The following ASH2L variants were observed in gnomAD, a reference collection of about 807,000 sequenced individuals.
ASH2L encodes the protein ASH2 like, histone lysine methyltransferase complex subunit, also known as set1/Ash2 histone methyltransferase complex subunit ASH2.
Under a neutral mutation model 81.1 loss-of-function variants are expected in ASH2L, and 30 were observed. The ratio of observed to expected loss-of-function variants is 0.37; its 90% CI spans 0.28 to 0.50. The LOEUF (loss-of-function observed/expected upper bound fraction) is 0.50, where lower values mean the gene tolerates loss of function less well. Among genes scored for constraint, ASH2L ranks in the 20% least tolerant of loss-of-function variants. The pLI is 0.95. For synonymous variants in ASH2L, 273 were observed against 279.9 expected (o/e 0.98, Z 0.24); for missense variants, 559 against 792.1 (o/e 0.71, Z 3.53).
chr8:38,114,115 G>T, intron 5 of ASH2L, 77 bp from the exon 6 acceptor site: 1 of 885,384 alleles, frequency 1.1e-6, no homozygotes, highest in Non-Finnish European at 1.7e-6. Context: ...CAAGATCTTC[G>T]AAAAATGCTG....
chr8:38,136,783 AAAAG>A (rs1284369597), intron 14 of ASH2L, among the ~76,000 whole-genome samples: 31 of 151,326 alleles, frequency 2.0e-4, no homozygotes, highest in East Asian at 1.2e-3. Context: ...AAAAAAAAAA[AAAAG>A]AAAGAAAAGA....
At chr8:38,127,165 GA>G (rs35487001) in intron 10 of ASH2L, among the ~76,000 whole-genome samples, 4 of 140,564 alleles carry the variant, frequency 2.8e-5, no homozygotes, top group Non-Finnish European at 3.0e-5. Context: ...TTATCTCAAG[GA>G]AAAAAAAAAA....
At chr8:38,110,346 T>G (rs1810633678) in intron 3 of ASH2L, 33 bp from the exon 4 acceptor site, 1 of 1,510,532 alleles carries the variant, frequency 6.6e-7, no homozygotes, top group African/African-American at 1.4e-5. Flanking sequence ...TGTTCACAAG[T>G]TCACTAATTC....
At chr8:38,106,501 TTCTTC>T in intron 2 of ASH2L, 57 bp downstream of exon 2, 1 of 1,406,386 alleles carries the variant, frequency 7.1e-7, no homozygotes, top group Non-Finnish European at 9.8e-7. Flanking sequence ...TTATTTCTTC[TTCTTC>T]TTTTTTTTTT....
intron 5 of ASH2L, among the ~76,000 whole-genome samples, chr8:38,111,465 G>A (rs570559127): frequency 2.5e-4 from 38 of 151,972 alleles, no homozygotes; most frequent in African/African-American, 7.0e-4. Flanking sequence ...ACGGCTCACC[G>A]AAGACTTGAC....
chr8:38,116,974 G>A (rs1010348192), intron 8 of ASH2L, among the ~76,000 whole-genome samples: 1 of 152,210 alleles, frequency 6.6e-6, no homozygotes, highest in African/African-American at 2.4e-5. Context: ...CCATTTCAAG[G>A]TCAGATTTGC....
intron 12 of ASH2L, among the ~76,000 whole-genome samples, chr8:38,131,921 A>C (rs565773254): frequency 1.3e-5 from 2 of 151,544 alleles, no homozygotes; most frequent in East Asian, 3.9e-4. Flanking sequence ...CAGTCTCGGC[A>C]TACTGCAGCC....
At chr8:38,127,870 A>G (rs1801916098) in intron 10 of ASH2L, among the ~76,000 whole-genome samples, 1 of 150,944 alleles carries the variant, frequency 6.6e-6, no homozygotes, top group Non-Finnish European at 1.5e-5. Context: ...ACATGGTGAA[A>G]CCCTGTCTCT....
At chr8:38,110,322 AAAAG>A (rs1407365569) in intron 3 of ASH2L, 53 bp from the exon 4 acceptor site, 4 of 1,357,476 alleles carry the variant, frequency 2.9e-6, no homozygotes, top group Non-Finnish European at 4.2e-6. Flanking sequence ...TAAAAAAAGA[AAAAG>A]AAGTGTGTGT....
intron 3 of ASH2L, among the ~76,000 whole-genome samples, chr8:38,109,093 A>G (rs1333355081): frequency 6.6e-6 from 1 of 152,176 alleles, no homozygotes; most frequent in Non-Finnish European, 1.5e-5. Context: ...AAAGAAAAGA[A>G]AAATAAAGCC....
intron 12 of ASH2L, 78 bp downstream of exon 12, chr8:38,129,029 C>T: frequency 6.6e-7 from 1 of 1,525,238 alleles, no homozygotes; most frequent in Non-Finnish European, 8.8e-7. Context: ...CTTGTGTGAT[C>T]TCTTAGGAAC....
intron 5 of ASH2L, 115 bp from the exon 6 acceptor site, chr8:38,114,077 C>T: frequency 3.1e-6 from 2 of 644,578 alleles, no homozygotes; most frequent in Non-Finnish European, 5.2e-6. Context: ...GGGGGAAAAA[C>T]TAACATGGAT....
chr8:38,120,224 TCTGGTGA>T (rs1352380338), intron 9 of ASH2L, among the ~76,000 whole-genome samples: 3 of 152,204 alleles, frequency 2.0e-5, no homozygotes, highest in African/African-American at 7.2e-5. Flanking sequence ...TATAGTGTCT[TCTGGTGA>T]TAAGCCTGGG....
At chr8:38,129,920 A>G (rs1191547719) in intron 12 of ASH2L, among the ~76,000 whole-genome samples, 1 of 152,196 alleles carries the variant, frequency 6.6e-6, no homozygotes, top group Non-Finnish European at 1.5e-5. Flanking sequence ...GCAAGATGCT[A>G]TGAATATTCT....
At chr8:38,124,674 G>A (rs1371065427) in intron 10 of ASH2L, 2 of 152,220 alleles carry the variant, frequency 1.3e-5, no homozygotes, top group Non-Finnish European at 2.9e-5. Context: ...TCTTTCTGTG[G>A]AAGTCATGGG....
intron 10 of ASH2L, among the ~76,000 whole-genome samples, chr8:38,127,801 A>G (rs1801912289): frequency 6.7e-6 from 1 of 149,268 alleles, no homozygotes; most frequent in Non-Finnish European, 1.5e-5. Flanking sequence ...TAATTCCAAC[A>G]CTTTGGGAGA....
intron 10 of ASH2L, among the ~76,000 whole-genome samples, chr8:38,127,530 T>G (rs760995013): frequency 1.2e-4 from 18 of 151,928 alleles, no homozygotes; most frequent in Non-Finnish European, 2.4e-4. Context: ...GTGGATCACC[T>G]GAGGTCAGGA....
Position 38,107,031 on chromosome 8 carries a change from G to A in ASH2L, c.266G>A (p.Gly89Glu). 6.2e-7 allele frequency: 1 copy of A among 1,614,004 alleles called. No homozygotes were observed. ...ACTGCTCTGACACAGGAAGGTGCTG[G>A]GGATACATCAGAGGTGATGGATACT... The part of the protein sequence containing the change: ...SNGKDTLEGA[G>E]DTSEVMDTQA... Residue 89 changes from glycine to glutamate, a missense_variant, in exon 3 of 16, where the codon GGG becomes GAG. Gly to Glu is a moderately conservative substitution (Grantham distance 98, BLOSUM62 -2). Transcript: ENST00000343823.
At chr8:38,107,391 T>A (rs1810484276) in intron 3 of ASH2L, among the ~76,000 whole-genome samples, 1 of 152,194 alleles carries the variant, frequency 6.6e-6, no homozygotes, top group South Asian at 2.1e-4. Flanking sequence ...TTGCCCCTCC[T>A]TTTGAGTTGA....
Sources: allele counts gnomAD v4.1 joint callset (sites outside exome capture counted in the v4.1 genomes callset), GRCh38; gene constraint gnomAD v4.1.1; transcripts MANE v1.5; gene names NCBI Gene and HGNC (gene_info 2026-07-23, HGNC 2026-07-21).